The following PCDH15 variants were observed in gnomAD, a reference collection of about 807,000 sequenced individuals.
PCDH15 encodes the protein protocadherin-15.
Under a neutral mutation model 178.5 loss-of-function variants are expected in PCDH15, and 129 were observed. The observed-to-expected ratio is 0.72, with a 90% CI of 0.63 to 0.84. The LOEUF (loss-of-function observed/expected upper bound fraction) is 0.84. PCDH15 is among the 40% of genes least tolerant of loss of function. The pLI is 0.00. For synonymous variants in PCDH15, 800 were observed against 732.0 expected (o/e 1.09, Z -1.50); for missense variants, 2,230 against 2,099.9 (o/e 1.06, Z -1.21).
At chr10:55,371,649 G>C (rs1269545628) in intron 2 of PCDH15, among the ~76,000 whole-genome samples, 1 of 151,926 alleles carries the variant, frequency 6.6e-6, no homozygotes, top group Non-Finnish European at 1.5e-5. Flanking sequence ...AGACATGCTT[G>C]CTTCCCCTTC....
intron 2 of PCDH15, among the ~76,000 whole-genome samples, chr10:55,056,403 G>A (rs1841304494): frequency 1.3e-5 from 2 of 151,658 alleles, no homozygotes. Context: ...GTAAGTTTTT[G>A]TACCTTTTAT....
At chr10:54,638,969 G>A (rs1432520351) in intron 2 of PCDH15, among the ~76,000 whole-genome samples, 2 of 152,040 alleles carry the variant, frequency 1.3e-5, no homozygotes, top group Non-Finnish European at 2.9e-5. Context: ...GTTCTCACTT[G>A]TAAGTGGAAG....
intron 8 of PCDH15, among the ~76,000 whole-genome samples, chr10:54,261,932 G>C (rs942573647): frequency 6.6e-6 from 1 of 152,174 alleles, no homozygotes; most frequent in Non-Finnish European, 1.5e-5. Flanking sequence ...AGGTGACACA[G>C]ACACCATGGT....
chr10:54,466,645 G>T (rs1326722045), intron 3 of PCDH15, among the ~76,000 whole-genome samples: 1 of 151,808 alleles, frequency 6.6e-6, no homozygotes, highest in Non-Finnish European at 1.5e-5. Context: ...ACTCAGGATT[G>T]TTTTGAATAT....
intron 19 of PCDH15, among the ~76,000 whole-genome samples, chr10:54,021,980 T>G (rs182292026): frequency 0.019 from 2,944 of 152,138 alleles, 81 homozygotes; most frequent in African/African-American, 0.067. Context: ...AAGGAATAAT[T>G]GTTCTCTCCC....
At chr10:54,532,440 C>T (rs2132755067) in intron 2 of PCDH15, among the ~76,000 whole-genome samples, 1 of 152,202 alleles carries the variant, frequency 6.6e-6, no homozygotes, top group South Asian at 2.1e-4. Flanking sequence ...TATATACTCT[C>T]ATAACTCTGC....
chr10:55,178,289 T>C (rs1156620054), intron 1 of PCDH15, among the ~76,000 whole-genome samples: 1 of 152,114 alleles, frequency 6.6e-6, no homozygotes, highest in Non-Finnish European at 1.5e-5. Context: ...TCCACAGATA[T>C]CTGATCCACT....
At chr10:54,729,151 A>T (rs1024045456) in intron 1 of PCDH15, among the ~76,000 whole-genome samples, 3 of 151,702 alleles carry the variant, frequency 2.0e-5, no homozygotes, top group African/African-American at 7.2e-5. Flanking sequence ...AAAGCATCAC[A>T]CTACCTGACT....
At chr10:55,244,594 A>C (rs902786732) in intron 1 of PCDH15, among the ~76,000 whole-genome samples, 9 of 151,372 alleles carry the variant, frequency 5.9e-5, no homozygotes, top group Middle Eastern at 3.2e-3. Context: ...CACACACACA[A>C]ACACACTGAA....
At chr10:55,065,540 T>G (rs1180887614) in intron 2 of PCDH15, among the ~76,000 whole-genome samples, 1 of 152,064 alleles carries the variant, frequency 6.6e-6, no homozygotes, top group Non-Finnish European at 1.5e-5. Flanking sequence ...CTTGTATGTA[T>G]CTGTTTACAT....
At chr10:54,242,131 TA>T (rs1390231552) in intron 8 of PCDH15, among the ~76,000 whole-genome samples, 30 of 3,170 alleles carry the variant, frequency 9.5e-3, no homozygotes, top group Admixed American at 0.077. Flanking sequence ...ATTCTATTTT[TA>T]TATATATATA....
intron 2 of PCDH15, among the ~76,000 whole-genome samples, chr10:55,578,732 T>G (rs1463772875): frequency 6.6e-6 from 1 of 151,868 alleles, no homozygotes; most frequent in East Asian, 1.9e-4. Context: ...GGCTGGGGAG[T>G]CCTCACAATC....
At chr10:53,828,467 A>G (rs2076833589) in intron 31 of PCDH15, 98 bp downstream of exon 31, 2 of 1,011,850 alleles carry the variant, frequency 2.0e-6, no homozygotes, top group Non-Finnish European at 3.1e-6. Flanking sequence ...ACAAGGGAAT[A>G]AGATGTGGTT....
rs550187291 is a variant in PCDH15 at position 55,287,986 on chromosome 10, T to C, written c.-156+31613A>G. On this transcript the variant is annotated intron_variant, in intron 1 of 5. Transcript: ENST00000458638. ...GCTGGGTCATTTATTAATCAAAGTA[T>C]TGAGATATATTTAAAATGCAAATTA... 2.1e-3 allele frequency among the ~76,000 whole-genome samples: 316 copies of C among 151,614 alleles called. 1 individual carries two copies. Among genetic ancestry groups the C allele is most frequent in the African/African-American group, 7.4e-3 (308 of 41,438 alleles).
chr10:55,356,586 T>C (rs1565050947), intron 2 of PCDH15, among the ~76,000 whole-genome samples: 1 of 151,950 alleles, frequency 6.6e-6, no homozygotes, highest in Non-Finnish European at 1.5e-5. Context: ...AATTGATTCG[T>C]TCATTTATTC....
At chr10:55,132,182 C>T (rs929735575) in intron 2 of PCDH15, among the ~76,000 whole-genome samples, 2 of 152,184 alleles carry the variant, frequency 1.3e-5, no homozygotes, top group African/African-American at 4.8e-5. Flanking sequence ...AGATGGCCCA[C>T]CACTGCCATC....
At chr10:55,614,221 G>A (rs1843431783) in intron 2 of PCDH15, among the ~76,000 whole-genome samples, 1 of 152,066 alleles carries the variant, frequency 6.6e-6, no homozygotes, top group Non-Finnish European at 1.5e-5. Flanking sequence ...GTCAGGAAGC[G>A]TGTAGTAAAC....
At chr10:54,996,608 A>G (rs987892291) in intron 2 of PCDH15, among the ~76,000 whole-genome samples, 4 of 152,182 alleles carry the variant, frequency 2.6e-5, no homozygotes, top group African/African-American at 9.6e-5. Flanking sequence ...TGTCTATCTC[A>G]TCTGATCTTT....
At chr10:55,532,981 G>GTAAAATT (rs1841486834) in intron 2 of PCDH15, among the ~76,000 whole-genome samples, 8 of 151,926 alleles carry the variant, frequency 5.3e-5, no homozygotes, top group Admixed American at 5.3e-4. Flanking sequence ...AGTTTCTCAG[G>GTAAAATT]ACATTAAAAT....
Sources: gnomAD v4.1 joint callset for allele counts (sites outside exome capture counted in the v4.1 genomes callset) on GRCh38, gnomAD v4.1.1 for gene constraint, MANE v1.5 for transcripts, NCBI Gene and HGNC (gene_info 2026-07-23, HGNC 2026-07-21) for gene names.